Variants in NLRC5 observed in about 807,000 individuals in gnomAD.
The protein encoded by NLRC5 is NLR family CARD domain containing 5.
Under a neutral mutation model 206.9 loss-of-function variants are expected in NLRC5, and 114 were observed. The observed-to-expected ratio is 0.55, with a 90% CI of 0.47 to 0.64. NLRC5 has a LOEUF of 0.64. NLRC5 is among the 30% of genes least tolerant of loss of function. The pLI, the probability that NLRC5 is intolerant of heterozygous loss-of-function variation, is 0.00. For missense variants in NLRC5, 2,008 were observed against 2,305.5 expected (o/e 0.87, Z 2.64); for synonymous variants, 952 against 962.8 (o/e 0.99, Z 0.21).
chr16:57,024,579 G>A (rs1029911713), intron 5 of NLRC5, among the ~76,000 whole-genome samples: 1 of 152,204 alleles, frequency 6.6e-6, no homozygotes, highest in East Asian at 1.9e-4. Flanking sequence ...CACTGTAGGG[G>A]CCCAGCTCCC....
chr16:57,066,407 C>G (rs1044914020), intron 33 of NLRC5, 127 bp from the exon 34 acceptor site: 2 of 749,658 alleles, frequency 2.7e-6, no homozygotes, highest in Non-Finnish European at 4.7e-6. Context: ...CTAAGCTGGT[C>G]CCTGGCAGGG....
At chr16:57,073,596 T>G (rs1429625219) in intron 38 of NLRC5, among the ~76,000 whole-genome samples, 2 of 152,192 alleles carry the variant, frequency 1.3e-5, no homozygotes, top group African/African-American at 2.4e-5. Flanking sequence ...CCTCTTATTT[T>G]ATTATTTATT....
Position 57,077,966 on chromosome 16 carries a change from A to T in NLRC5, c.5027A>T (p.Asp1676Val). The change falls in exon 43 of 49, where the codon GAT becomes GTT. Residue 1676 changes from aspartate to valine, a missense_variant. Asp to Val is a radical substitution (Grantham distance 152). Transcript: ENST00000688547. Reference sequence around the variant, plus strand: ...AGGCTTGGCTGCAATGCCCTGGGGGATCCCACAGCCCTGGGGCTGGCTCAG... The same window carrying T: ...AGGCTTGGCTGCAATGCCCTGGGGGTTCCCACAGCCCTGGGGCTGGCTCAG... ...ELMLGCNALG[D>V]PTALGLAQEL... 6.2e-7 allele frequency: 1 copy of T among 1,612,650 alleles called. No homozygotes were observed. The highest frequency in any genetic ancestry group is 1.1e-5 in the South Asian group (1 of 90,928).
At position 57,067,856 on chromosome 16, in the gene NLRC5, C is replaced by T. The variant is rs190980672; in HGVS notation, c.4499+28C>T. The T allele has an allele frequency of 1.0e-5, 16 of 1,558,850 alleles. No individual in the cohort carries two copies. The East Asian group carries it at 3.4e-4, about 33-fold the overall frequency. On this transcript the variant is annotated intron_variant, in intron 36 of 48. Coordinates refer to ENST00000688547, the MANE Select transcript of NLRC5 (RefSeq NM_001384950.1). ...ATGTAGACAAGACATTCACTCAGTC[C>T]CCTTTGCAGCTCTGCCCTGCCCTGA...
intron 32 of NLRC5, among the ~76,000 whole-genome samples, 183 bp from the exon 33 acceptor site, chr16:57,065,029 G>A (rs973173442): frequency 3.9e-5 from 6 of 152,306 alleles, no homozygotes; most frequent in Middle Eastern, 3.4e-3. Flanking sequence ...GAATAAGGGT[G>A]ATGTTAATTT....
intron 2 of NLRC5, among the ~76,000 whole-genome samples, chr16:57,019,702 GACA>G (rs2060456998): frequency 1.3e-5 from 2 of 152,190 alleles, no homozygotes; most frequent in Admixed American, 1.3e-4. Context: ...AAGAAGAATA[GACA>G]ACATTTCTAC....
In NLRC5 at chr16:57,012,151, G is replaced by A. The variant is rs1010194202; in HGVS notation, c.-127-4923G>A. Among the ~76,000 whole-genome samples the A allele has an allele frequency of 4.6e-5, 7 of 152,216 alleles. 1 individual carries two copies. The South Asian group carries it at 8.3e-4, about 18-fold the overall frequency. ...TTACATAAATAGAATCATACAATACGTGATCTTTAGTGATCTTTTTTCACA... is the reference window on the plus strand; with the variant it reads ...TTACATAAATAGAATCATACAATACATGATCTTTAGTGATCTTTTTTCACA... On this transcript the variant is annotated intron_variant, in intron 1 of 48. Coordinates refer to ENST00000688547, the MANE Select transcript of NLRC5 (RefSeq NM_001384950.1).
intron 11 of NLRC5, 149 bp from the exon 12 acceptor site, chr16:57,033,455 C>A (rs2143021381): frequency 1.4e-6 from 1 of 697,112 alleles, no homozygotes; most frequent in East Asian, 2.6e-5. Flanking sequence ...TGAATCACAT[C>A]TTGAGCATCT....
chr16:57,031,171 G>A (rs2061840886), intron 10 of NLRC5, among the ~76,000 whole-genome samples: 1 of 151,800 alleles, frequency 6.6e-6, no homozygotes, highest in Non-Finnish European at 1.5e-5. Context: ...TGTGAAAATT[G>A]TTTTTCTGAC....
At chr16:56,996,193 A>G (rs1375561185) in intron 1 of NLRC5, among the ~76,000 whole-genome samples, 1 of 151,880 alleles carries the variant, frequency 6.6e-6, no homozygotes, top group Non-Finnish European at 1.5e-5. Context: ...TTTCTAGACA[A>G]GGTCTCACTC....
In NLRC5 at chr16:57,042,002, G is replaced by A; in HGVS notation, c.3050G>A (p.Gly1017Glu). ...CCCAGCTTCTCAGGCAATGCTCTGG[G>A]GGATGAAGGTGCAGCCCGGCTGGCT... is the stretch of plus-strand genomic sequence containing the variant. ...LHLDFSGNAL[G>E]DEGAARLAQL... is the part of the protein sequence containing the mutation. The change falls in exon 19 of 49, where the codon GGG becomes GAG. Residue 1017 changes from glycine (G) to glutamate (E), a missense_variant. Gly to Glu is a moderately conservative substitution (Grantham distance 98, BLOSUM62 -2). Transcript: ENST00000688547. 6.3e-7 allele frequency: 1 copy of A among 1,581,120 alleles called. No homozygotes were observed.
chr16:57,040,388 T>C (rs897894977), intron 16 of NLRC5, among the ~76,000 whole-genome samples: 4 of 152,174 alleles, frequency 2.6e-5, no homozygotes, highest in Admixed American at 1.3e-4. Context: ...AGATTAATGA[T>C]AATAGCAGTC....
rs772831815 is a variant in NLRC5, at chr16:57,058,037, C to A, written c.3747-28C>A. ...CTCAGGCTGAGGAGGCACCTCTGAT[C>A]CCCGCCACTGCTCCTTACCCCCTAC... On this transcript the variant is annotated intron_variant, in intron 27 of 48. Coordinates refer to ENST00000688547, the MANE Select transcript of NLRC5 (RefSeq NM_001384950.1). 94 of 1,586,870 alleles carry A rather than the reference C, an allele frequency of 5.9e-5. 1 individual carries two copies. In the East Asian group the frequency reaches 1.7e-3, roughly 28 times the overall value.
At chr16:57,022,105 T>C in intron 3 of NLRC5, 151 bp from the exon 4 acceptor site, 1 of 593,138 alleles carries the variant, frequency 1.7e-6, no homozygotes, top group Admixed American at 3.3e-5. Flanking sequence ...CACCACATTT[T>C]CTCCACAACA....
In NLRC5 at chr16:57,037,301, ACCACGGTACCCAT is replaced by A; in HGVS notation, c.2801+20_2801+32del. The A allele has an allele frequency of 6.3e-7, 1 of 1,599,002 alleles. No homozygotes were observed. The highest frequency in any genetic ancestry group is 8.5e-7 in the Non-Finnish European group (1 of 1,173,816). ...GCACATCAGGTGGGAGCTCCCTCAG[ACCACGGTACCCAT>A]CCCCCCCCCCATCATGCTCTCTCTG... On this transcript the variant is annotated intron_variant, in intron 15 of 48. Coordinates refer to ENST00000688547, the MANE Select transcript of NLRC5 (RefSeq NM_001384950.1).
intron 1 of NLRC5, chr16:56,990,639 G>A (rs1368779814): frequency 6.6e-6 from 1 of 152,164 alleles, no homozygotes; most frequent in Admixed American, 6.5e-5. Flanking sequence ...AGTTTCTGCA[G>A]ACCTAAAAAG....
At position 57,029,841 on chromosome 16, in the gene NLRC5, G is replaced by A. The variant is rs375054548; in HGVS notation, c.2312G>A (p.Arg771Gln). 31 of 1,613,962 alleles carry A rather than the reference G, an allele frequency of 1.9e-5. 1 individual carries two copies. The highest frequency in any genetic ancestry group is 5.3e-5 in the African/African-American group (4 of 74,898). The change falls in exon 9 of 49, where the codon CGG becomes CAG. Residue 771 changes from arginine (R) to glutamine (Q), a missense_variant. Arg to Gln is a conservative substitution (Grantham distance 43, BLOSUM62 1). Transcript: ENST00000688547. ...NIVEVLPHLP[R>Q]LRKLDLSSNS... ...GTGGAGGTTCTCCCTCACCTACCACGGCTCCGGAAGCTTGAGTAAGTGATC... is the reference window on the plus strand; with the variant it reads ...GTGGAGGTTCTCCCTCACCTACCACAGCTCCGGAAGCTTGAGTAAGTGATC...
intron 1 of NLRC5, among the ~76,000 whole-genome samples, chr16:57,006,413 CTTTTTTTTTTT>C (rs58713490): frequency 5.5e-5 from 5 of 90,814 alleles, no homozygotes; most frequent in Admixed American, 1.5e-4. Flanking sequence ...TCTTCATCCT[CTTTTTTTTTTT>C]TTTTTTTTTT....
At position 57,043,511 on chromosome 16, in the gene NLRC5, C is replaced by T. The variant is rs1199917220; in HGVS notation, c.3114-4C>T. On this transcript the variant is annotated splice_polypyrimidine_tract_variant and splice_region_variant and intron_variant, in intron 19 of 48. Transcript: ENST00000688547. The stretch of plus-strand genomic sequence containing the variant: ...CTCCATTGTGCCACCCCTGTGATCT[C>T]CAGCCTCAGTGAGAACGGTTTGTCC... 1 of 1,613,842 alleles carries T rather than the reference C, an allele frequency of 6.2e-7. No individual in the cohort carries two copies. The highest frequency in any genetic ancestry group is 1.1e-5 in the South Asian group (1 of 91,080).
Sources: allele counts gnomAD v4.1 joint callset (sites outside exome capture counted in the v4.1 genomes callset), GRCh38; gene constraint gnomAD v4.1.1; transcripts MANE v1.5; gene names NCBI Gene and HGNC (gene_info 2026-07-23, HGNC 2026-07-21).